PCDH15: variants seen among roughly 807,000 people sequenced by gnomAD.
PCDH15 encodes protocadherin-15.
A neutral mutation model predicts 178.5 loss-of-function variants in PCDH15; 129 were observed. The observed-to-expected ratio is 0.72, with a 90% CI of 0.63 to 0.84. The LOEUF (loss-of-function observed/expected upper bound fraction) is 0.84, where lower values mean the gene tolerates loss of function less well. Among genes scored for constraint, PCDH15 ranks in the 40% least tolerant of loss-of-function variants. PCDH15 has a pLI of 0.00. For synonymous variants in PCDH15, 800 were observed against 732.0 expected (o/e 1.09, Z -1.50); for missense variants, 2,230 against 2,099.9 (o/e 1.06, Z -1.21).
At chr10:55,504,104 C>T (rs531908533) in intron 2 of PCDH15, among the ~76,000 whole-genome samples, 1 of 151,300 alleles carries the variant, frequency 6.6e-6, no homozygotes, top group Admixed American at 6.6e-5. Context: ...CATGTTATAC[C>T]TTTGTTTGAA....
chr10:55,570,400 C>G (rs920190871), intron 2 of PCDH15, among the ~76,000 whole-genome samples: 6 of 151,772 alleles, frequency 4.0e-5, no homozygotes, highest in African/African-American at 1.2e-4. Context: ...TAGTTTTTCA[C>G]TTAAGTATTA....
chr10:54,419,112 C>A (rs1758817), intron 3 of PCDH15, among the ~76,000 whole-genome samples: 1 of 151,692 alleles, frequency 6.6e-6, no homozygotes, highest in Non-Finnish European at 1.5e-5. Flanking sequence ...ATGGGAGAAG[C>A]GCTTTCTCAT....
At chr10:55,499,427 A>C (rs930084558) in intron 2 of PCDH15, among the ~76,000 whole-genome samples, 2 of 148,290 alleles carry the variant, frequency 1.3e-5, no homozygotes, top group Non-Finnish European at 3.0e-5. Context: ...ACACACACAC[A>C]CACACACACA....
chr10:55,126,304 C>A (rs1442143156), intron 2 of PCDH15, among the ~76,000 whole-genome samples: 1 of 152,210 alleles, frequency 6.6e-6, no homozygotes, highest in East Asian at 1.9e-4. Context: ...TGATGAATAA[C>A]CCATAGTCGG....
chr10:55,181,766 A>T (rs1281714471), intron 1 of PCDH15, among the ~76,000 whole-genome samples: 2 of 151,980 alleles, frequency 1.3e-5, no homozygotes, highest in East Asian at 3.9e-4. Context: ...TGATTTTCTG[A>T]TTTTTAAAAG....
intron 2 of PCDH15, among the ~76,000 whole-genome samples, chr10:55,609,213 GCACTTTCAGATAAGT>G (rs1843305242): frequency 6.6e-6 from 1 of 151,956 alleles, no homozygotes; most frequent in South Asian, 2.1e-4. Context: ...GAGAGGATTT[GCACTTTCAGATAAGT>G]GTAACCAATC....
At chr10:54,334,158 T>C (rs1940510923) in intron 6 of PCDH15, among the ~76,000 whole-genome samples, 1 of 152,140 alleles carries the variant, frequency 6.6e-6, no homozygotes, top group Non-Finnish European at 1.5e-5. Flanking sequence ...CTGGCCTCCA[T>C]TAAGAAAGGT....
chr10:54,153,140 T>A lies in PCDH15; in HGVS notation c.1744A>T (p.Thr582Ser). ...EMIVGRTYAL[T>S]VQAADNAPPA... ...GGAGCATTATCCGCTGCTTGGACCG[T>A]GAGTGCGTAAGTCCGCCCGACTATC... The change falls in exon 14 of 38, where the codon ACG (threonine) becomes TCG (serine). Residue 582 changes from threonine to serine, a missense_variant. Coordinates refer to ENST00000644397, the MANE Select transcript of PCDH15 (RefSeq NM_001384140.1). 6.2e-7 allele frequency: 1 copy of A among 1,613,932 alleles called. No homozygotes were observed. Among genetic ancestry groups the A allele is most frequent in the Non-Finnish European group, 8.5e-7 (1 of 1,179,874 alleles).
At chr10:54,348,039 G>A (rs1459378796) in intron 5 of PCDH15, among the ~76,000 whole-genome samples, 1 of 151,648 alleles carries the variant, frequency 6.6e-6, no homozygotes, top group Non-Finnish European at 1.5e-5. Context: ...TAGTAGAGAT[G>A]GGGTTTCACC....
chr10:54,690,563 T>C (rs1219096349), intron 1 of PCDH15, among the ~76,000 whole-genome samples: 7 of 152,080 alleles, frequency 4.6e-5, no homozygotes, highest in Non-Finnish European at 8.8e-5. Flanking sequence ...TCCACCCACC[T>C]CAACTTCCCA....
At chr10:54,526,642 G>A (rs1395003655) in intron 3 of PCDH15, among the ~76,000 whole-genome samples, 1 of 152,008 alleles carries the variant, frequency 6.6e-6, no homozygotes, top group African/African-American at 2.4e-5. Context: ...TATGAATAAG[G>A]ATAGATTTTA....
chr10:54,856,824 C>T (rs891224982), intron 3 of PCDH15, among the ~76,000 whole-genome samples: 1 of 152,172 alleles, frequency 6.6e-6, no homozygotes, highest in African/African-American at 2.4e-5. Context: ...ATGTTACCAC[C>T]TCTAGGTATC....
intron 2 of PCDH15, among the ~76,000 whole-genome samples, chr10:54,531,352 G>T (rs2083904433): frequency 6.6e-6 from 1 of 152,064 alleles, no homozygotes; most frequent in African/African-American, 2.4e-5. Flanking sequence ...CTGCAAACTT[G>T]TCACAATGCT....
chr10:54,497,243 GAA>G lies in PCDH15; in HGVS notation c.157+30567_157+30568del, dbSNP rs76984542. 4.4e-5 allele frequency among the ~76,000 whole-genome samples: 6 copies of G among 137,746 alleles called. No homozygotes were observed. The South Asian group carries it at 7.0e-4, about 16-fold the overall frequency. 90.4% of individuals were successfully genotyped at this position (137,746 alleles called of 152,430 possible). A position where few individuals can be genotyped will look rare whatever the true frequency, so the allele number is the denominator to read the frequency against. On this transcript the variant is annotated intron_variant, in intron 3 of 37. Coordinates refer to ENST00000644397, the MANE Select transcript of PCDH15 (RefSeq NM_001384140.1). ...TGACTAAACCCAATTTGTACCACAG[GAA>G]AAAAAAAAAAACCCTCAAGGGCACC...
At chr10:54,849,477 A>C (rs989022763) in intron 3 of PCDH15, among the ~76,000 whole-genome samples, 2 of 152,214 alleles carry the variant, frequency 1.3e-5, no homozygotes, top group Non-Finnish European at 2.9e-5. Context: ...CCTACTGCTA[A>C]GTCGGCACTC....
At chr10:54,724,582 T>A (rs925455443) in intron 1 of PCDH15, among the ~76,000 whole-genome samples, 1 of 151,526 alleles carries the variant, frequency 6.6e-6, no homozygotes, top group Admixed American at 6.6e-5. Context: ...GTAGTATATC[T>A]TCACTGAAAA....
In PCDH15 at chr10:55,464,234, G is replaced by A. The variant is rs180702587; in HGVS notation, c.-156+163391C>T. On this transcript the variant is annotated intron_variant, in intron 2 of 5. Transcript: ENST00000613346. ...ACATAACTCAAAACGTCAGAACAAT[G>A]ATCAGAACATCAGAACAATGATGCT... Among the ~76,000 whole-genome samples, 30 of 152,176 alleles carry A rather than the reference G, an allele frequency of 2.0e-4. No individual in the cohort carries two copies. The East Asian group carries it at 5.4e-3, about 27-fold the overall frequency.
intron 3 of PCDH15, among the ~76,000 whole-genome samples, chr10:54,810,816 T>C (rs1013442533): frequency 2.0e-5 from 3 of 152,054 alleles, no homozygotes; most frequent in African/African-American, 7.2e-5. Flanking sequence ...TCAAATATGG[T>C]TTTCTTTTCA....
At chr10:54,931,298 G>T (rs181784570) in intron 2 of PCDH15, among the ~76,000 whole-genome samples, 1 of 152,190 alleles carries the variant, frequency 6.6e-6, no homozygotes, top group Admixed American at 6.5e-5. Context: ...ATAAATCATT[G>T]TGTGACTTTT....
Sources: allele counts gnomAD v4.1 joint callset (sites outside exome capture counted in the v4.1 genomes callset), GRCh38; gene constraint gnomAD v4.1.1; transcripts MANE v1.5; gene names NCBI Gene and HGNC (gene_info 2026-07-23, HGNC 2026-07-21).